TMEM132B: variants seen among roughly 807,000 people sequenced by gnomAD.
TMEM132B encodes the protein transmembrane protein 132B.
A neutral mutation model predicts 90.8 loss-of-function variants in TMEM132B; 18 were observed. That is an observed-to-expected ratio of 0.20 (90% CI 0.14 to 0.29). The LOEUF (loss-of-function observed/expected upper bound fraction) is 0.29, where lower values mean the gene tolerates loss of function less well. Ranked by LOEUF, TMEM132B falls within the 10% of genes least tolerant of loss-of-function variation. The pLI is 1.00. For synonymous variants in TMEM132B, 504 were observed against 523.3 expected (o/e 0.96, Z 0.50); for missense variants, 1,096 against 1,326.8 (o/e 0.83, Z 2.70).
chr12:125,600,633 T>C (rs1257844216), intron 5 of TMEM132B, among the ~76,000 whole-genome samples: 2 of 152,214 alleles, frequency 1.3e-5, no homozygotes, highest in Non-Finnish European at 2.9e-5. Context: ...CAGCATTTAA[T>C]GAATGCCCAC....
chr12:125,611,108 C>G (rs949692799), intron 5 of TMEM132B, among the ~76,000 whole-genome samples: 2 of 152,014 alleles, frequency 1.3e-5, no homozygotes, highest in Non-Finnish European at 2.9e-5. Context: ...GTATTTCTTT[C>G]TCAGTCAGTT....
chr12:125,351,219 A>G (rs1014045224), intron 2 of TMEM132B, among the ~76,000 whole-genome samples: 7 of 152,222 alleles, frequency 4.6e-5, no homozygotes, highest in African/African-American at 1.7e-4. Flanking sequence ...TGCAGCATGC[A>G]AGCAGCCATA....
At position 125,583,907 on chromosome 12, in the gene TMEM132B, C is replaced by G; in HGVS notation, c.1350C>G (p.Val450=). The G allele has an allele frequency of 6.2e-7, 1 of 1,614,102 alleles. No individual in the cohort carries two copies. The highest frequency in any genetic ancestry group is 1.7e-5 in the Admixed American group (1 of 60,026). ...ILTGKPVSVP[V]KVVGVQEDGS... is the part of the protein sequence containing the mutation. ...CTGGAAAGCCTGTTTCAGTTCCTGT[C>G]AAAGTCGTGGGGGTCCAGGAGGATG... The change falls in exon 5 of 9, where the codon GTC becomes GTG. Residue 450 remains valine (V), a synonymous_variant. Coordinates refer to ENST00000682704, the MANE Select transcript of TMEM132B (RefSeq NM_001366854.1).
intron 1 of TMEM132B, among the ~76,000 whole-genome samples, chr12:125,306,468 C>T (rs1464934492): frequency 6.6e-6 from 1 of 152,202 alleles, no homozygotes; most frequent in East Asian, 1.9e-4. Context: ...TACTTCCCAC[C>T]TTTGCCCTGA....
chr12:125,477,529 A>AT (rs58215887), intron 3 of TMEM132B, among the ~76,000 whole-genome samples: 1 of 150,738 alleles, frequency 6.6e-6, no homozygotes, highest in African/African-American at 2.4e-5. Context: ...AAGAACCTAA[A>AT]TTTTTTTTTT....
chr12:125,332,536 G>A (rs946579813), intron 1 of TMEM132B, among the ~76,000 whole-genome samples: 1 of 145,588 alleles, frequency 6.9e-6, no homozygotes, highest in Non-Finnish European at 1.5e-5. Flanking sequence ...CACTTTCTGC[G>A]TCACGGGGAC....
intron 5 of TMEM132B, among the ~76,000 whole-genome samples, chr12:125,614,006 T>C (rs767088918): frequency 2.0e-4 from 30 of 152,154 alleles, no homozygotes; most frequent in Non-Finnish European, 4.1e-4. Flanking sequence ...GGCCCAACAA[T>C]ATAATTGTAT....
At chr12:125,267,266 G>T (rs1874718259) in intron 1 of TMEM132B, among the ~76,000 whole-genome samples, 1 of 152,112 alleles carries the variant, frequency 6.6e-6, no homozygotes, top group African/African-American at 2.4e-5. Context: ...GATTGGGGTT[G>T]CCTCATCTCT....
chr12:125,430,991 G>A (rs557231667), intron 3 of TMEM132B, among the ~76,000 whole-genome samples: 7 of 152,196 alleles, frequency 4.6e-5, no homozygotes, highest in African/African-American at 1.4e-4. Flanking sequence ...TGAGGTGGCC[G>A]GCCCCAGTAT....
At position 125,658,926 on chromosome 12, in the gene TMEM132B, T is replaced by C. The variant is rs1436920864; in HGVS notation, c.*4216T>C. On this transcript the variant is annotated 3_prime_UTR_variant, in exon 9 of 9. Coordinates refer to ENST00000682704, the MANE Select transcript of TMEM132B (RefSeq NM_001366854.1). ...CTTCTTGACTTTTGGATTTTTTTCTTTTCTTTTTTTCTGGAAATATTTCGG... is the reference window on the plus strand; with the variant it reads ...CTTCTTGACTTTTGGATTTTTTTCTCTTCTTTTTTTCTGGAAATATTTCGG... The C allele has an allele frequency of 6.6e-6, 1 of 152,242 alleles. No homozygotes were observed. Among genetic ancestry groups the C allele is most frequent in the Non-Finnish European group, 1.5e-5 (1 of 68,046 alleles). 9.4% of individuals were successfully genotyped at this position (152,242 alleles called of 1,614,324 possible).
intron 3 of TMEM132B, among the ~76,000 whole-genome samples, chr12:125,432,366 AATAT>A (rs749081900): frequency 0.017 from 203 of 11,916 alleles, 53 homozygotes; most frequent in Middle Eastern, 0.033. Context: ...GAATTCCTTG[AATAT>A]ATATATATAT....
At chr12:125,337,930 C>T (rs926236620) in intron 1 of TMEM132B, among the ~76,000 whole-genome samples, 2 of 152,212 alleles carry the variant, frequency 1.3e-5, no homozygotes, top group African/African-American at 4.8e-5. Flanking sequence ...TTTAGTTCTT[C>T]TGGTGATGAC....
intron 3 of TMEM132B, among the ~76,000 whole-genome samples, chr12:125,439,428 C>A (rs1230061083): frequency 1.3e-5 from 2 of 152,098 alleles, no homozygotes; most frequent in African/African-American, 2.4e-5. Flanking sequence ...CTTTTTGTGG[C>A]AATTGTGAAT....
chr12:125,571,825 G>C (rs1480151389), intron 4 of TMEM132B, among the ~76,000 whole-genome samples: 1 of 152,218 alleles, frequency 6.6e-6, no homozygotes, highest in East Asian at 1.9e-4. Context: ...TAAGTAGAGT[G>C]AAATGTCAGT....
intron 1 of TMEM132B, among the ~76,000 whole-genome samples, chr12:125,217,149 T>C (rs76951248): frequency 0.031 from 4,661 of 152,308 alleles, 247 homozygotes; most frequent in African/African-American, 0.11. Context: ...GTGATTAATA[T>C]GGGTATCAAA....
chr12:125,514,131 G>A (rs921255193), intron 3 of TMEM132B, among the ~76,000 whole-genome samples: 1 of 152,156 alleles, frequency 6.6e-6, no homozygotes, highest in African/African-American at 2.4e-5. Context: ...CTTACGGCCT[G>A]GAAGGAGAAT....
At chr12:125,479,432 G>A (rs1282743988) in intron 3 of TMEM132B, among the ~76,000 whole-genome samples, 2 of 152,092 alleles carry the variant, frequency 1.3e-5, no homozygotes, top group East Asian at 1.9e-4. Flanking sequence ...CTAAGCAAAT[G>A]GAAAGCAAAG....
At chr12:125,347,564 C>A (rs1463842872) in intron 1 of TMEM132B, among the ~76,000 whole-genome samples, 1 of 152,208 alleles carries the variant, frequency 6.6e-6, no homozygotes, top group Non-Finnish European at 1.5e-5. Context: ...TTTTTAATGG[C>A]TGCAGAAAAA....
chr12:125,342,624 C>T (rs967138366), intron 1 of TMEM132B, among the ~76,000 whole-genome samples: 1 of 152,134 alleles, frequency 6.6e-6, no homozygotes, highest in Non-Finnish European at 1.5e-5. Flanking sequence ...GATTCCTTTC[C>T]ACTTCCTCTC....
Sources: allele counts gnomAD v4.1 joint callset (sites outside exome capture counted in the v4.1 genomes callset), GRCh38; gene constraint gnomAD v4.1.1; transcripts MANE v1.5; gene names NCBI Gene and HGNC (gene_info 2026-07-23, HGNC 2026-07-21).